Variants in EFL1 observed in about 807,000 individuals in gnomAD.
EFL1 encodes elongation factor like GTPase 1, also known as elongation factor-like GTPase 1.
A neutral mutation model predicts 126.7 loss-of-function variants in EFL1; 76 were observed. That is an observed-to-expected ratio of 0.60 (90% CI 0.50 to 0.73). The LOEUF is 0.73. Among genes scored for constraint, EFL1 ranks in the 30% least tolerant of loss-of-function variants. The probability of loss-of-function intolerance (pLI) is 0.00; values close to 1 mark genes in which losing one functional copy is unlikely to be tolerated. For missense variants in EFL1, 1,128 were observed against 1,343.2 expected (o/e 0.84, Z 2.50); for synonymous variants, 410 against 448.4 (o/e 0.91, Z 1.08).
intron 15 of EFL1, among the ~76,000 whole-genome samples, chr15:82,172,787 G>T (rs2074150497): frequency 6.6e-6 from 1 of 152,072 alleles, no homozygotes; most frequent in African/African-American, 2.4e-5. Context: ...CAGAAACATG[G>T]TGACTACAAA....
chr15:82,189,972 C>G (rs186274215), intron 15 of EFL1, among the ~76,000 whole-genome samples: 9 of 151,744 alleles, frequency 5.9e-5, no homozygotes, highest in Non-Finnish European at 1.3e-4. Context: ...AAACATTAGG[C>G]GGAGGGGGAT....
intron 7 of EFL1, among the ~76,000 whole-genome samples, chr15:82,237,353 G>A (rs963638436): frequency 6.6e-6 from 1 of 152,148 alleles, no homozygotes; most frequent in Admixed American, 6.5e-5. Context: ...GAAAGGATGT[G>A]AAAAGACTTT....
At chr15:82,217,773 T>A (rs950489883) in intron 14 of EFL1, among the ~76,000 whole-genome samples, 5 of 152,300 alleles carry the variant, frequency 3.3e-5, no homozygotes, top group South Asian at 2.1e-4. Flanking sequence ...TGTGACTTGC[T>A]TCTTCTAACA....
At chr15:82,160,445 G>A (rs2074011375) in intron 16 of EFL1, among the ~76,000 whole-genome samples, 1 of 152,048 alleles carries the variant, frequency 6.6e-6, no homozygotes, top group Non-Finnish European at 1.5e-5. Flanking sequence ...ATAGTATTAG[G>A]TAACTAAAAT....
At chr15:82,261,885 A>T in intron 1 of EFL1, 88 bp from the exon 2 acceptor site, 3 of 997,820 alleles carry the variant, frequency 3.0e-6, no homozygotes, top group Non-Finnish European at 4.4e-6. Flanking sequence ...GGAGGTGGCA[A>T]GCTTCTCAAA....
At chr15:82,210,007 C>T (rs1430347872) in intron 15 of EFL1, among the ~76,000 whole-genome samples, 1 of 152,124 alleles carries the variant, frequency 6.6e-6, no homozygotes, top group Non-Finnish European at 1.5e-5. Flanking sequence ...CATATGGGTA[C>T]CGATCATATT....
At chr15:82,134,039 G>A (rs558173909) in intron 19 of EFL1, among the ~76,000 whole-genome samples, 3 of 152,306 alleles carry the variant, frequency 2.0e-5, no homozygotes, top group South Asian at 4.1e-4. Flanking sequence ...TTAGCTGTGC[G>A]ATCTTGGGCA....
intron 15 of EFL1, among the ~76,000 whole-genome samples, chr15:82,211,581 CTAGACACAT>C (rs1191261529): frequency 5.5e-5 from 4 of 73,308 alleles, no homozygotes; most frequent in Admixed American, 1.2e-4. Context: ...CACACACACA[CTAGACACAT>C]ACTAGACACA....
intron 13 of EFL1, 41 bp downstream of exon 13, chr15:82,220,037 G>T (rs776540050): frequency 1.8e-5 from 28 of 1,559,884 alleles, no homozygotes; most frequent in African/African-American, 8.3e-5. Context: ...TAAGCAAAAA[G>T]GCAAATACTT....
intron 15 of EFL1, among the ~76,000 whole-genome samples, chr15:82,180,888 T>G (rs1185057320): frequency 1.3e-5 from 2 of 152,078 alleles, no homozygotes; most frequent in Admixed American, 6.6e-5. Context: ...GCTACTATCC[T>G]GGTTAATTTT....
chr15:82,140,336 T>A (rs1055254021), intron 18 of EFL1, among the ~76,000 whole-genome samples: 2 of 152,156 alleles, frequency 1.3e-5, no homozygotes, highest in African/African-American at 4.8e-5. Context: ...AATGCTTTTT[T>A]CCCCCAATTT....
rs772416029 is a variant in EFL1 at position 82,228,338 on chromosome 15, C to G, written c.933-11G>C. On this transcript the variant is annotated splice_polypyrimidine_tract_variant and intron_variant, in intron 9 of 19. Transcript: ENST00000268206. Reference sequence around the variant, plus strand: ...ATTTTGTCTTTGTCCCTGTGGTAAACACAAGATTGGAGAGGGGAAATGTCA... The same window carrying G: ...ATTTTGTCTTTGTCCCTGTGGTAAAGACAAGATTGGAGAGGGGAAATGTCA... 1.9e-6 allele frequency: 3 copies of G among 1,611,802 alleles called. No individual in the cohort carries two copies. Among genetic ancestry groups the G allele is most frequent in the East Asian group, 2.2e-5 (1 of 44,830 alleles).
chr15:82,250,033 G>C (rs1234464321), intron 4 of EFL1, among the ~76,000 whole-genome samples: 1 of 152,024 alleles, frequency 6.6e-6, no homozygotes, highest in African/African-American at 2.4e-5. Context: ...TTCGAAGTGG[G>C]TGAGAAGGAG....
At chr15:82,212,210 A>C (rs1306889601) in intron 15 of EFL1, among the ~76,000 whole-genome samples, 2 of 152,256 alleles carry the variant, frequency 1.3e-5, no homozygotes, top group Non-Finnish European at 2.9e-5. Context: ...TACTCCATGC[A>C]ATGTTATTTA....
chr15:82,176,685 G>A (rs1057276163), intron 15 of EFL1, among the ~76,000 whole-genome samples: 6 of 152,160 alleles, frequency 3.9e-5, no homozygotes, highest in Admixed American at 3.9e-4. Flanking sequence ...AAGATACAGA[G>A]CAACTGGAAC....
At chr15:82,219,998 T>C (rs1337962017) in intron 13 of EFL1, 80 bp downstream of exon 13, 2 of 1,512,632 alleles carry the variant, frequency 1.3e-6, no homozygotes, top group African/African-American at 2.8e-5. Context: ...CTTAAAAATC[T>C]CAAGAACTAA....
rs1218582744 is a variant in EFL1 at position 82,261,782 on chromosome 15, T to C, written c.-4A>G. 6 of 1,613,098 alleles carry C rather than the reference T, an allele frequency of 3.7e-6. No individual in the cohort carries two copies. Among genetic ancestry groups the C allele is most frequent in the Non-Finnish European group, 5.1e-6 (6 of 1,179,666 alleles). ...TATCCAAACTGTTGAGCACCATGAT[T>C]ACTTATTTCCTGTGACTAAAAATTA... is the stretch of plus-strand genomic sequence containing the variant. On this transcript the variant is annotated 5_prime_UTR_variant, in exon 2 of 20. Coordinates refer to ENST00000268206, the MANE Select transcript of EFL1 (RefSeq NM_024580.6).
In EFL1 at chr15:82,194,535, T is replaced by C. The variant is rs141204854; in HGVS notation, c.1750+20182A>G. ...ATGAGAATTTAAAAATGCAGAAAAG[T>C]ATAGTCAAAAATGCACTTACAGAAT... On this transcript the variant is annotated intron_variant, in intron 15 of 19. Coordinates refer to ENST00000268206, the MANE Select transcript of EFL1 (RefSeq NM_024580.6). Among the ~76,000 whole-genome samples the C allele has an allele frequency of 9.8e-3, 1,491 of 152,236 alleles. 24 individuals carry two copies. Among genetic ancestry groups the C allele is most frequent in the African/African-American group, 0.034 (1,423 of 41,528 alleles).
chr15:82,229,139 T>C, intron 8 of EFL1, 29 bp from the exon 9 acceptor site: 1 of 1,558,356 alleles, frequency 6.4e-7, no homozygotes, highest in Non-Finnish European at 8.7e-7. Flanking sequence ...GGGCTTAAGT[T>C]CCTGAACATT....
Sources: allele counts gnomAD v4.1 joint callset (sites outside exome capture counted in the v4.1 genomes callset), GRCh38; gene constraint gnomAD v4.1.1; transcripts MANE v1.5; gene names NCBI Gene and HGNC (gene_info 2026-07-23, HGNC 2026-07-21).